Variants in NID2 observed in about 807,000 individuals in gnomAD.
NID2 encodes the protein nidogen 2, also known as nidogen-2.
NID2 carries 83 observed loss-of-function variants against 145.4 expected under a neutral mutation model. The observed-to-expected ratio is 0.57, with a 90% CI of 0.48 to 0.69. The LOEUF (loss-of-function observed/expected upper bound fraction) is 0.69. Ranked by LOEUF, NID2 falls within the 30% of genes least tolerant of loss-of-function variation. The probability of loss-of-function intolerance (pLI) is 0.00; values close to 1 mark genes in which losing one functional copy is unlikely to be tolerated. For missense variants in NID2, 1,807 were observed against 1,765.7 expected, an observed-to-expected ratio of 1.02 and a Z score of -0.42; for synonymous variants, 739 against 701.3, an observed-to-expected ratio of 1.05 and a Z score of -0.85.
chr14:52,040,251 A>AT (rs11423537), intron 8 of NID2, among the ~76,000 whole-genome samples: 15,034 of 147,288 alleles, frequency 0.1, 802 homozygotes, highest in Middle Eastern at 0.21. Context: ...TCTTTCTGTG[A>AT]TTTTTTTTTT....
At position 52,005,204 on chromosome 14, in the gene NID2, T is replaced by A. The variant is rs1262498711; in HGVS notation, c.*282A>T. The A allele has an allele frequency of 3.2e-6, 1 of 310,736 alleles. No individual in the cohort carries two copies. Among genetic ancestry groups the A allele is most frequent in the Non-Finnish European group, 5.9e-6 (1 of 170,370 alleles). 19.2% of individuals were successfully genotyped at this position (310,736 alleles called of 1,614,324 possible). A position where few individuals can be genotyped will look rare whatever the true frequency, so the allele number is the denominator to read the frequency against. On this transcript the variant is annotated 3_prime_UTR_variant, in exon 22 of 22. Transcript: ENST00000216286. ...TTGAATGAATTTGATCTTTTAAATATTAATGATAAATGTTTACAAGAAGTT... is the reference window on the plus strand; with the variant it reads ...TTGAATGAATTTGATCTTTTAAATAATAATGATAAATGTTTACAAGAAGTT...
intron 2 of NID2, among the ~76,000 whole-genome samples, chr14:52,063,914 A>G (rs904188297): frequency 6.6e-5 from 10 of 152,176 alleles, no homozygotes; most frequent in Admixed American, 2.0e-4. Flanking sequence ...TCACATCCCT[A>G]ATACTATATC....
At chr14:52,049,191 GTT>G (rs201049534) in intron 5 of NID2, among the ~76,000 whole-genome samples, 6 of 124,242 alleles carry the variant, frequency 4.8e-5, no homozygotes, top group Admixed American at 3.0e-4. Flanking sequence ...TCTATTTAAT[GTT>G]TTTTTTGTTT....
At chr14:52,030,115 C>T (rs1009935979) in intron 9 of NID2, among the ~76,000 whole-genome samples, 4 of 152,154 alleles carry the variant, frequency 2.6e-5, no homozygotes, top group African/African-American at 7.2e-5. Flanking sequence ...CAGGAAGTGG[C>T]ACAGCAAAGA....
At chr14:52,043,364 T>C (rs2140405072) in intron 5 of NID2, among the ~76,000 whole-genome samples, 1 of 152,320 alleles carries the variant, frequency 6.6e-6, no homozygotes, top group South Asian at 2.1e-4. Flanking sequence ...TAACCATCCT[T>C]CTTTTAGGGA....
In NID2 at chr14:52,040,773, C is replaced by T. The variant is rs117965887; in HGVS notation, c.1904G>A (p.Gly635Glu). Residue 635 changes from glycine to glutamate, a missense_variant, in exon 8 of 22, where the codon GGA becomes GAA. Gly to Glu is a moderately conservative substitution (Grantham distance 98). Transcript: ENST00000216286. ...GCTCAGGTAGTTCTCTGGGTCAAGT[C>T]CCTCAGCAGTTTGAGTGATACGAAC... ...ETVRITQTAE[G>E]LDPENYLSIK... 2 of 1,614,162 alleles carry T rather than the reference C, an allele frequency of 1.2e-6. No individual in the cohort carries two copies. Among genetic ancestry groups the T allele is most frequent in the South Asian group, 2.2e-5 (2 of 91,080 alleles).
At chr14:52,008,041 G>C (rs1890859938) in intron 18 of NID2, 74 bp from the exon 19 acceptor site, 1 of 1,221,484 alleles carries the variant, frequency 8.2e-7, no homozygotes, top group African/African-American at 1.5e-5. Flanking sequence ...GCAGCCCCCA[G>C]TGATCTCCAT....
chr14:52,054,082 A>G lies in NID2; in HGVS notation c.1007T>C (p.Leu336Ser). 6.2e-7 allele frequency: 1 copy of G among 1,614,180 alleles called. No homozygotes were observed. Among genetic ancestry groups the G allele is most frequent in the Non-Finnish European group, 8.5e-7 (1 of 1,180,028 alleles). ...EYLPGEPEEA[L>S]NGHSSIDVSF... ...AACATCAATGCTGCTGTGGCCATTCAATGCCTCCTCTGGTTCACCCGGAAG... is the reference window on the plus strand; with the variant it reads ...AACATCAATGCTGCTGTGGCCATTCGATGCCTCCTCTGGTTCACCCGGAAG... The change falls in exon 4 of 22, where the codon TTG (leucine) becomes TCG (serine). Residue 336 changes from leucine (L) to serine (S), a missense_variant. Leu to Ser is a moderately radical substitution (Grantham distance 145). Transcript: ENST00000216286.
At chr14:52,066,043 T>C (rs985662919) in intron 2 of NID2, among the ~76,000 whole-genome samples, 5 of 151,730 alleles carry the variant, frequency 3.3e-5, no homozygotes, top group Non-Finnish European at 1.5e-5. Context: ...CTGGGTCAAA[T>C]GGTATTTCTA....
intron 20 of NID2, 191 bp downstream of exon 20, chr14:52,006,346 A>G: frequency 3.4e-6 from 2 of 591,664 alleles, no homozygotes; most frequent in East Asian, 3.0e-5. Flanking sequence ...GTGAAGTAAA[A>G]GGATGATTTC....
At position 52,067,954 on chromosome 14, in the gene NID2, G is replaced by A. The variant is rs777126074; in HGVS notation, c.438C>T (p.Arg146=). ...CGTGGGTGGGGGTAAAGCGCGCAGAGCGCGGGAAGCCAGCGCGCACATAGC... is the reference window on the plus strand; with the variant it reads ...CGTGGGTGGGGGTAAAGCGCGCAGAACGCGGGAAGCCAGCGCGCACATAGC... ...AARYVRAGFP[R]SARFTPTHAF... is the part of the protein sequence containing the mutation. Residue 146 remains arginine, a synonymous_variant, in exon 2 of 22, where the codon CGC becomes CGT. Coordinates refer to ENST00000216286, the MANE Select transcript of NID2 (RefSeq NM_007361.4). 6.2e-7 allele frequency: 1 copy of A among 1,611,438 alleles called. No homozygotes were observed. The highest frequency in any genetic ancestry group is 1.3e-5 in the African/African-American group (1 of 74,722).
In NID2 at chr14:52,068,101, A is replaced by G; in HGVS notation, c.291T>C (p.Tyr97=). The G allele has an allele frequency of 6.2e-7, 1 of 1,613,524 alleles. No homozygotes were observed. Among genetic ancestry groups the G allele is most frequent in the Non-Finnish European group, 8.5e-7 (1 of 1,179,932 alleles). ...TGGCCGGGAAGTCGGTGGGGAAATCATAGTCCACATACTGCGTTTCCCTGG... is the reference window on the plus strand; with the variant it reads ...TGGCCGGGAAGTCGGTGGGGAAATCGTAGTCCACATACTGCGTTTCCCTGG... ...DFPRETQYVD[Y]DFPTDFPAIA... is the part of the protein sequence containing the mutation. Residue 97 remains tyrosine, a synonymous_variant, in exon 2 of 22, where the codon TAT becomes TAC. Transcript: ENST00000216286.
chr14:52,058,632 C>A (rs1272850811), intron 3 of NID2, among the ~76,000 whole-genome samples: 1 of 152,082 alleles, frequency 6.6e-6, no homozygotes, highest in Non-Finnish European at 1.5e-5. Context: ...GCTCAGGGAA[C>A]ACAACTGCTT....
At position 52,038,807 on chromosome 14, in the gene NID2, A is replaced by T. The variant is rs763658627; in HGVS notation, c.2197T>A (p.Tyr733Asn). 4 of 1,613,078 alleles carry T rather than the reference A, an allele frequency of 2.5e-6. No homozygotes were observed. Among genetic ancestry groups the T allele is most frequent in the South Asian group, 2.2e-5 (2 of 90,782 alleles). ...CTAAGCACTCTTTCTTCGTCATTAT[A>T]CAAGGCAAAGACCCGGTCCACGTTC... ...QLNVDRVFAL[Y>N]NDEERVLRFA... The change falls in exon 9 of 22, where the codon TAT becomes AAT. Residue 733 changes from tyrosine to asparagine, a missense_variant. By Grantham distance (143) the Tyr-to-Asn change is moderately radical (BLOSUM62 -2). Transcript: ENST00000216286.
chr14:52,030,181 T>A (rs530921018), intron 9 of NID2, among the ~76,000 whole-genome samples: 2 of 152,220 alleles, frequency 1.3e-5, no homozygotes, highest in Admixed American at 1.3e-4. Flanking sequence ...AAATTCCCAA[T>A]TTTTATAGGT....
intron 9 of NID2, among the ~76,000 whole-genome samples, chr14:52,038,298 A>C (rs1378334421): frequency 6.6e-6 from 1 of 152,160 alleles, no homozygotes; most frequent in Non-Finnish European, 1.5e-5. Context: ...TCTTTGCTCC[A>C]CCTTAGTTTT....
chr14:52,014,721 GAAAA>G (rs371606776), intron 15 of NID2, among the ~76,000 whole-genome samples: 4 of 143,220 alleles, frequency 2.8e-5, no homozygotes, highest in African/African-American at 2.6e-5. Flanking sequence ...TTTTTCAAGA[GAAAA>G]AAAAAACAGA....
rs117651785 is a variant in NID2, at chr14:52,039,118, G to C, written c.2027-141C>G. On this transcript the variant is annotated intron_variant, in intron 8 of 21. Transcript: ENST00000216286. ...CTCCTGAGTTTATATGAAAAAATGT[G>C]TAAGGAAATCCCAAAAACCTGAGTG... is the stretch of plus-strand genomic sequence containing the variant. The C allele has an allele frequency of 6.4e-3, 4,247 of 662,044 alleles. 19 individuals carry two copies. The highest frequency in any genetic ancestry group is 8.1e-3 in the Non-Finnish European group (3,248 of 398,552). 41.0% of individuals were successfully genotyped at this position (662,044 alleles called of 1,614,324 possible). A position where few individuals can be genotyped will look rare whatever the true frequency, so the allele number is the denominator to read the frequency against.
intron 2 of NID2, among the ~76,000 whole-genome samples, chr14:52,066,727 C>A (rs1380252219): frequency 6.6e-6 from 1 of 152,214 alleles, no homozygotes; most frequent in Non-Finnish European, 1.5e-5. Flanking sequence ...AGTGAAGAAG[C>A]ATTTCCGTAA....
Sources: allele counts gnomAD v4.1 joint callset (sites outside exome capture counted in the v4.1 genomes callset), GRCh38; gene constraint gnomAD v4.1.1; transcripts MANE v1.5; gene names NCBI Gene and HGNC (gene_info 2026-07-23, HGNC 2026-07-21).